TLN2: variants seen among roughly 807,000 people sequenced by gnomAD.
TLN2 encodes the protein talin-2.
Under a neutral mutation model 294.7 loss-of-function variants are expected in TLN2, and 118 were observed. The ratio of observed to expected loss-of-function variants is 0.40; its 90% confidence interval spans 0.34 to 0.47. The LOEUF is 0.47. Among genes scored for constraint, TLN2 ranks in the 20% least tolerant of loss-of-function variants. TLN2 has a pLI of 0.84. For synonymous variants in TLN2, 1,431 were observed against 1,304.5 expected (o/e 1.10, Z -2.09); for missense variants, 3,083 against 3,282.2 (o/e 0.94, Z 1.48).
At chr15:62,470,897 T>G (rs150485926) in intron 1 of TLN2, among the ~76,000 whole-genome samples, 1 of 152,260 alleles carries the variant, frequency 6.6e-6, no homozygotes, top group South Asian at 2.1e-4. Context: ...AGGCCTTATG[T>G]ACATTTTAAA....
chr15:62,603,048 A>G (rs933113904), intron 2 of TLN2, among the ~76,000 whole-genome samples: 2 of 151,814 alleles, frequency 1.3e-5, no homozygotes, highest in Non-Finnish European at 2.9e-5. Context: ...GCCAGCCACC[A>G]CGCCCGGCTA....
chr15:62,607,577 C>T (rs975707103), intron 2 of TLN2, among the ~76,000 whole-genome samples: 3 of 152,108 alleles, frequency 2.0e-5, no homozygotes, highest in Non-Finnish European at 2.9e-5. Context: ...GAATAATAAA[C>T]GAAACGTCCA....
chr15:62,727,979 A>C (rs1404482978), intron 28 of TLN2, among the ~76,000 whole-genome samples: 1 of 152,112 alleles, frequency 6.6e-6, no homozygotes, highest in Non-Finnish European at 1.5e-5. Context: ...ATTATTATCA[A>C]AGTATAATAT....
At chr15:62,741,077 A>G (rs1002486273) in intron 32 of TLN2, among the ~76,000 whole-genome samples, 1 of 152,228 alleles carries the variant, frequency 6.6e-6, no homozygotes, top group African/African-American at 2.4e-5. Flanking sequence ...AAGTAGCATT[A>G]TATCTTTCTG....
At chr15:62,519,866 G>A (rs1057204589) in intron 1 of TLN2, among the ~76,000 whole-genome samples, 3 of 152,160 alleles carry the variant, frequency 2.0e-5, no homozygotes, top group East Asian at 1.9e-4. Context: ...GTATTACTCC[G>A]TTTTCATGCT....
At chr15:62,438,238 G>T (rs1368742915) in intron 1 of TLN2, among the ~76,000 whole-genome samples, 1 of 152,204 alleles carries the variant, frequency 6.6e-6, no homozygotes. Context: ...GGGCACTGGG[G>T]AGCAGCCAGA....
chr15:62,747,919 C>T (rs2061703961), intron 32 of TLN2, among the ~76,000 whole-genome samples: 1 of 152,160 alleles, frequency 6.6e-6, no homozygotes, highest in South Asian at 2.1e-4. Flanking sequence ...TAAAGGTCTT[C>T]ATCCTCATAT....
chr15:62,556,135 T>C (rs1281551109), intron 1 of TLN2, among the ~76,000 whole-genome samples: 2 of 151,978 alleles, frequency 1.3e-5, no homozygotes, highest in Non-Finnish European at 2.9e-5. Context: ...TTTTTGGTTT[T>C]TTTTAATGTC....
chr15:62,771,833 G>A lies in TLN2; in HGVS notation c.5367+699G>A, dbSNP rs140733336. On this transcript the variant is annotated intron_variant, in intron 42 of 58. Transcript: ENST00000636159. The stretch of plus-strand genomic sequence containing the variant: ...GGGTGACAGGTCTCTTCCACATTGC[G>A]GACTTCAGTCTTTATTGTAAGTAGT... 4.9e-4 allele frequency among the ~76,000 whole-genome samples: 74 copies of A among 152,310 alleles called. No homozygotes were observed. In the East Asian group the frequency reaches 0.01, roughly 21 times the overall value.
In TLN2 at chr15:62,712,014, G is replaced by T. The variant is rs759685818; in HGVS notation, c.2571G>T (p.Lys857Asn). Residue 857 changes from lysine to asparagine, a missense_variant, in exon 22 of 59, where the codon AAG becomes AAT. Physicochemically the swap from Lys to Asn is moderately conservative, Grantham distance 94 (BLOSUM62 0). Coordinates refer to ENST00000636159, the MANE Select transcript of TLN2 (RefSeq NM_015059.3). Reference sequence around the variant, plus strand: ...CCGAAATCGACATGGAGAATTCAAAGAAGCTCCTGGCAGCAGCAAAACTCT... The same window carrying T: ...CCGAAATCGACATGGAGAATTCAAATAAGCTCCTGGCAGCAGCAAAACTCT... ...AEAEIDMENS[K>N]KLLAAAKLLA... is the part of the protein sequence containing the mutation. The T allele has an allele frequency of 2.0e-5, 32 of 1,614,084 alleles. 1 individual carries two copies. The South Asian group carries it at 2.5e-4, about 13-fold the overall frequency.
Position 62,797,348 on chromosome 15 carries a change from A to C in TLN2, c.6180A>C (p.Ala2060=), listed in dbSNP as rs2141133945. The part of the protein sequence containing the change: ...QSSAATITQL[A]EVVKLGAASL... Reference sequence around the variant, plus strand: ...CAGCAGCCACCATCACCCAGCTCGCAGAAGTGGTCAAGCTGGGGGCAGCCA... The same window carrying C: ...CAGCAGCCACCATCACCCAGCTCGCCGAAGTGGTCAAGCTGGGGGCAGCCA... The change falls in exon 48 of 59, where the codon GCA becomes GCC. Residue 2060 remains alanine (A), a synonymous_variant. Transcript: ENST00000636159. 6.2e-7 allele frequency: 1 copy of C among 1,613,280 alleles called. No homozygotes were observed. The highest frequency in any genetic ancestry group is 2.2e-5 in the East Asian group (1 of 44,848).
intron 51 of TLN2, among the ~76,000 whole-genome samples, chr15:62,807,921 C>G (rs1262304579): frequency 2.1e-4 from 32 of 152,200 alleles, no homozygotes; most frequent in Admixed American, 2.1e-3. Flanking sequence ...ATCCCTCACC[C>G]CTTTGCAAAT....
chr15:62,399,899 G>C (rs1376754031), intron 1 of TLN2, among the ~76,000 whole-genome samples: 2 of 152,170 alleles, frequency 1.3e-5, no homozygotes, highest in African/African-American at 4.8e-5. Flanking sequence ...AATGAACTAA[G>C]ACTTAGGGGG....
intron 28 of TLN2, among the ~76,000 whole-genome samples, chr15:62,731,564 A>G (rs1365602550): frequency 2.0e-5 from 3 of 152,098 alleles, no homozygotes; most frequent in African/African-American, 7.2e-5. Context: ...TCCCGTCTGA[A>G]AGGGTTGCTG....
intron 1 of TLN2, among the ~76,000 whole-genome samples, chr15:62,446,234 G>A (rs907000439): frequency 2.0e-5 from 3 of 151,932 alleles, no homozygotes; most frequent in South Asian, 2.1e-4. Context: ...TCCTGACCTC[G>A]TCATCCGCCC....
intron 53 of TLN2, 131 bp from the exon 54 acceptor site, chr15:62,820,355 A>G (rs1683776008): frequency 3.7e-6 from 2 of 538,490 alleles, no homozygotes; most frequent in Non-Finnish European, 5.1e-6. Context: ...GACGGAAGGA[A>G]GGTTCCTTAG....
chr15:62,393,798 CCT>C (rs1403199096), intron 1 of TLN2, among the ~76,000 whole-genome samples: 1 of 151,568 alleles, frequency 6.6e-6, no homozygotes, highest in African/African-American at 2.4e-5. Context: ...TTTTTTAATG[CCT>C]CTCTCAACAA....
intron 1 of TLN2, among the ~76,000 whole-genome samples, chr15:62,479,909 C>T (rs1352972640): frequency 6.6e-6 from 1 of 152,236 alleles, no homozygotes; most frequent in African/African-American, 2.4e-5. Flanking sequence ...AAAGTAATTC[C>T]CTTTTTCCAT....
intron 2 of TLN2, among the ~76,000 whole-genome samples, chr15:62,617,623 C>T (rs941251307): frequency 4.6e-5 from 7 of 152,180 alleles, no homozygotes; most frequent in African/African-American, 1.2e-4. Flanking sequence ...GCCTCATCCC[C>T]GCTTTCACCC....
Sources: allele counts gnomAD v4.1 joint callset (sites outside exome capture counted in the v4.1 genomes callset), GRCh38; gene constraint gnomAD v4.1.1; transcripts MANE v1.5; gene names NCBI Gene and HGNC (gene_info 2026-07-23, HGNC 2026-07-21).